The following DCBLD1 variants were observed in gnomAD, a reference collection of about 807,000 sequenced individuals.
DCBLD1 encodes discoidin, CUB and LCCL domain containing 1.
Under a neutral mutation model 71.5 loss-of-function variants are expected in DCBLD1, and 57 were observed. The observed-to-expected ratio is 0.80, with a 90% CI of 0.64 to 0.99. The LOEUF is 0.99. DCBLD1 is among the 50% of genes least tolerant of loss of function. The pLI is 0.00. For synonymous variants in DCBLD1, 380 were observed against 363.8 expected, an observed-to-expected ratio of 1.04 and a Z score of -0.51; for missense variants, 891 against 923.5, an observed-to-expected ratio of 0.96 and a Z score of 0.46.
intron 2 of DCBLD1, among the ~76,000 whole-genome samples, chr6:117,504,183 G>T (rs990522843): frequency 6.6e-6 from 1 of 152,228 alleles, no homozygotes; most frequent in African/African-American, 2.4e-5. Flanking sequence ...TGAGCCTTGT[G>T]TGTGTGTCTC....
intron 2 of DCBLD1, chr6:117,508,249 A>T (rs1486834366): frequency 6.6e-6 from 1 of 152,238 alleles, no homozygotes; most frequent in Non-Finnish European, 1.5e-5. Flanking sequence ...CAAGTGGTTT[A>T]TTAAATAACA....
chr6:117,547,874 G>A (rs1399903310), intron 14 of DCBLD1, 33 bp from the exon 15 acceptor site: 34 of 1,550,190 alleles, frequency 2.2e-5, no homozygotes, highest in Non-Finnish European at 2.8e-5. Context: ...CGTGTGTGGT[G>A]CCCGCTAGCT....
chr6:117,561,683 A>T (rs1215780986), intron 14 of DCBLD1: 1 of 204,440 alleles, frequency 4.9e-6, no homozygotes, highest in African/African-American at 2.3e-5. Context: ...TTGCTCAGAG[A>T]CAATGCTATA....
At chr6:117,568,953 C>G (rs1008281432) in intron 14 of DCBLD1, among the ~76,000 whole-genome samples, 7 of 152,154 alleles carry the variant, frequency 4.6e-5, no homozygotes, top group Non-Finnish European at 1.0e-4. Context: ...CCTCTAATTC[C>G]CTCAACTCTA....
intron 14 of DCBLD1, among the ~76,000 whole-genome samples, chr6:117,566,257 G>C (rs1779694457): frequency 6.6e-6 from 1 of 152,114 alleles, no homozygotes; most frequent in African/African-American, 2.4e-5. Flanking sequence ...ATTATGAAAA[G>C]CTTTGACCTC....
intron 11 of DCBLD1, among the ~76,000 whole-genome samples, chr6:117,541,482 T>G (rs1779095345): frequency 6.6e-6 from 1 of 152,180 alleles, no homozygotes; most frequent in African/African-American, 2.4e-5. Context: ...TAGAAAAATT[T>G]CAAGAAAACA....
rs1779081426 is a variant in DCBLD1, at chr6:117,541,087, T to TAA, written c.1357+63_1357+64dup. The TAA allele has an allele frequency of 3.9e-6, 6 of 1,521,170 alleles. No individual in the cohort carries two copies. In the Admixed American group the frequency reaches 1.1e-4, roughly 28 times the overall value. The allele number at this position is 1,521,170 out of a possible 1,614,324, so 94.2% of individuals were successfully genotyped here. A position where few individuals can be genotyped will look rare whatever the true frequency, so the allele number is the denominator to read the frequency against. Reference sequence around the variant, plus strand: ...TAACTGGTAACCCACCCAATATCAGTAACTTCAACAAAATTTCTTTTTCTC... The same window carrying TAA: ...TAACTGGTAACCCACCCAATATCAGTAAAACTTCAACAAAATTTCTTTTTCTC... On this transcript the variant is annotated intron_variant, in intron 11 of 14. Transcript: ENST00000338728.
intron 5 of DCBLD1, among the ~76,000 whole-genome samples, chr6:117,529,467 T>A (rs2114515795): frequency 6.6e-6 from 1 of 152,328 alleles, no homozygotes; most frequent in South Asian, 2.1e-4. Context: ...TGTACCCATG[T>A]ACATGGGTTA....
chr6:117,504,496 G>A (rs1777772999), intron 2 of DCBLD1, among the ~76,000 whole-genome samples: 1 of 152,164 alleles, frequency 6.6e-6, no homozygotes, highest in Non-Finnish European at 1.5e-5. Flanking sequence ...TAGAGCCTGC[G>A]TTTGAGTGTT....
intron 1 of DCBLD1, 24 bp from the exon 2 acceptor site, chr6:117,503,743 T>TC: frequency 6.2e-7 from 1 of 1,611,954 alleles, no homozygotes; most frequent in Non-Finnish European, 8.5e-7. Context: ...CTTCTTTTAT[T>TC]CCCCCCTTCT....
intron 1 of DCBLD1, among the ~76,000 whole-genome samples, chr6:117,487,483 C>T (rs1194795214): frequency 6.6e-6 from 1 of 152,000 alleles, no homozygotes; most frequent in Non-Finnish European, 1.5e-5. Flanking sequence ...TAAAACTAGC[C>T]AGGTGTCGTG....
At chr6:117,558,262 G>A (rs915501999) in intron 14 of DCBLD1, among the ~76,000 whole-genome samples, 1 of 152,192 alleles carries the variant, frequency 6.6e-6, no homozygotes, top group Admixed American at 6.5e-5. Context: ...CATTGTAGGA[G>A]GTAAGGCCTC....
chr6:117,514,894 A>G (rs946968830), intron 2 of DCBLD1, among the ~76,000 whole-genome samples: 1 of 151,998 alleles, frequency 6.6e-6, no homozygotes, highest in Non-Finnish European at 1.5e-5. Flanking sequence ...ATACACTCTC[A>G]TTTGTGTAAA....
intron 5 of DCBLD1, among the ~76,000 whole-genome samples, chr6:117,531,395 C>A (rs1778715448): frequency 6.6e-6 from 1 of 152,186 alleles, no homozygotes; most frequent in South Asian, 2.1e-4. Context: ...CTTGGGGACC[C>A]ACAGGCCTGG....
At chr6:117,545,264 T>C (rs1262551137) in intron 13 of DCBLD1, among the ~76,000 whole-genome samples, 4 of 151,958 alleles carry the variant, frequency 2.6e-5, no homozygotes, top group African/African-American at 9.7e-5. Context: ...AAAATACCTT[T>C]TAAAGGCACA....
chr6:117,538,854 G>A lies in DCBLD1; in HGVS notation c.976+19G>A. 2 of 1,598,632 alleles carry A rather than the reference G, an allele frequency of 1.3e-6. No homozygotes were observed. The highest frequency in any genetic ancestry group is 1.1e-5 in the South Asian group (1 of 89,220). ...ATAACAGGTGCAGAAAATAACACAA[G>A]TGCCAAGTGCAGGAGTAGTTTCATG... On this transcript the variant is annotated intron_variant, in intron 8 of 14. Coordinates refer to ENST00000338728, the MANE Select transcript of DCBLD1 (RefSeq NM_001366458.2).
At chr6:117,520,599 A>G (rs1778354340) in intron 3 of DCBLD1, among the ~76,000 whole-genome samples, 1 of 152,196 alleles carries the variant, frequency 6.6e-6, no homozygotes, top group Admixed American at 6.5e-5. Flanking sequence ...TCAGTGTCAC[A>G]CAGTGTAATA....
downstream of DCBLD1, among the ~76,000 whole-genome samples, chr6:117,553,598 G>T (rs1779458525): frequency 6.6e-6 from 1 of 151,964 alleles, no homozygotes; most frequent in Non-Finnish European, 1.5e-5. Context: ...TGGAATTTTT[G>T]TCTGCCTTAT....
At chr6:117,562,870 T>A (rs181563931) in intron 14 of DCBLD1, 83 of 224,692 alleles carry the variant, frequency 3.7e-4, no homozygotes, top group African/African-American at 1.8e-3. Context: ...ATGAATTCAC[T>A]TACTCTCTGT....
Sources: allele counts gnomAD v4.1 joint callset (sites outside exome capture counted in the v4.1 genomes callset), GRCh38; gene constraint gnomAD v4.1.1; transcripts MANE v1.5; gene names NCBI Gene and HGNC (gene_info 2026-07-23, HGNC 2026-07-21).